Variants in PEG3 observed in about 807,000 individuals in gnomAD.
The protein encoded by PEG3 is paternally expressed 3.
In PEG3, 23 loss-of-function variants were observed where a neutral mutation model predicts 35.5. That is an observed-to-expected ratio of 0.65 (90% confidence interval 0.47 to 0.92). The LOEUF (loss-of-function observed/expected upper bound fraction) is 0.92, where lower values mean the gene tolerates loss of function less well. PEG3 is among the 40% of genes least tolerant of loss of function. The probability of loss-of-function intolerance (pLI) is 0.00; values close to 1 mark genes in which losing one functional copy is unlikely to be tolerated. For synonymous variants in PEG3, 707 were observed against 697.0 expected (o/e 1.01, Z -0.23); for missense variants, 1,960 against 1,985.3 (o/e 0.99, Z 0.24).
Position 56,816,650 on chromosome 19 carries a change from G to A in PEG3, c.1792C>T (p.Arg598Cys), listed in dbSNP as rs138383423. The A allele has an allele frequency of 7.4e-6, 12 of 1,613,170 alleles. No individual in the cohort carries two copies. The highest frequency in any genetic ancestry group is 3.3e-4 in the Middle Eastern group (2 of 6,080). The stretch of plus-strand genomic sequence containing the variant: ...TCCCCGCGCTCACGTTCACGTTCAC[G>A]TTCATGTTCACGCTCATTATCTTTG... ...DDKDNEREHE[R>C]ERERERGETF... Residue 598 changes from arginine (R) to cysteine (C), a missense_variant, in exon 10 of 10, where the codon CGT (arginine) becomes TGT (cysteine). Arg to Cys is a radical substitution (Grantham distance 180). Around this residue, in one of 5 missense-constraint regions of PEG3, gnomAD observed 798 missense variants for 782.4 expected, o/e 1.02. Transcript: ENST00000326441.
rs1040984174 is a variant in PEG3 at position 56,814,944 on chromosome 19, T to G, written c.3498A>C (p.Pro1166=). The change falls in exon 10 of 10, where the codon CCA becomes CCC. Residue 1166 remains proline (P), a synonymous_variant. Coordinates refer to ENST00000326441, the MANE Select transcript of PEG3 (RefSeq NM_006210.3). This position sits in a 1 kb window ranked among gnomAD's most constrained non-coding sequence, Gnocchi z 5.8. The stretch of plus-strand genomic sequence containing the variant: ...TATGAATAAAAGATTCCCCACACTT[T>G]GGACATTCATACAGCTGCTCTCCAG... ...DYTGEQLYEC[P]KCGESFIHSS... is the part of the protein sequence containing the mutation. 1 of 1,614,000 alleles carries G rather than the reference T, an allele frequency of 6.2e-7. No individual in the cohort carries two copies. Among genetic ancestry groups the G allele is most frequent in the East Asian group, 2.2e-5 (1 of 44,876 alleles).
Position 56,823,601 on chromosome 19 carries a change from T to C in PEG3, c.473A>G (p.His158Arg), listed in dbSNP as rs967368898. The C allele has an allele frequency of 2.5e-6, 4 of 1,614,130 alleles. No individual in the cohort carries two copies. Among genetic ancestry groups the C allele is most frequent in the Non-Finnish European group, 3.4e-6 (4 of 1,180,004 alleles). The change falls in exon 5 of 10, where the codon CAT (histidine) becomes CGT (arginine). Residue 158 changes from histidine (H) to arginine (R), a missense_variant. Coordinates refer to ENST00000326441, the MANE Select transcript of PEG3 (RefSeq NM_006210.3). ...RRESSPPHSV[H>R]SFSDRDWDRR... ...GGATGGGTACTCACCACTGAAAGAA[T>C]GGACTGAGTGAGGTGGTGAGGACTC...
rs200279106 is a variant in PEG3, at chr19:56,824,366, A to C, written c.290T>G (p.Ile97Ser). Residue 97 changes from isoleucine to serine, a missense_variant, in exon 4 of 10, where the codon ATC (isoleucine) becomes AGC (serine). By Grantham distance (142) the Ile-to-Ser change is moderately radical. Around this residue, in one of 5 missense-constraint regions of PEG3, gnomAD observed 613 missense variants for 577.1 expected, o/e 1.06. Transcript: ENST00000326441. ...CCAAGGCTTGAGCTTTTCAGGGATG[A>C]TGGTCAGGTACTGCTCAAGGACCAA... Reference protein sequence around the residue: ...ELLVLEQYLTIIPEKLKPWVR... With the variant: ...ELLVLEQYLTSIPEKLKPWVR... 2.5e-6 allele frequency: 4 copies of C among 1,614,050 alleles called. No homozygotes were observed. In the Admixed American group the frequency reaches 6.7e-5, roughly 27 times the overall value.
chr19:56,828,332 A>AATATAC (rs2061258319), intron 2 of PEG3, among the ~76,000 whole-genome samples: 1 of 152,196 alleles, frequency 6.6e-6, no homozygotes, highest in Admixed American at 6.5e-5. Flanking sequence ...TTGCAATCTG[A>AATATAC]ATATACCCCT....
chr19:56,819,953 C>CA (rs1269065515), intron 7 of PEG3, among the ~76,000 whole-genome samples: 1 of 152,052 alleles, frequency 6.6e-6, no homozygotes, highest in Non-Finnish European at 1.5e-5. Context: ...TGTCCTGCCA[C>CA]AAAAAAGCAG....
Position 56,810,126 on chromosome 19 carries a change from A to AATG in PEG3, c.*3546_*3548dup, listed in dbSNP as rs1180723817. ...TTATTGTTGACACTATTACAGATAG[A>AATG]ATGACCACAACCATATTAACAAACC... On this transcript the variant is annotated 3_prime_UTR_variant, in exon 10 of 10. Transcript: ENST00000326441. The AATG allele has an allele frequency of 2.1e-6, 2 of 963,278 alleles. No homozygotes were observed. The highest frequency in any genetic ancestry group is 2.5e-6 in the Non-Finnish European group (2 of 809,840). The allele number at this position is 963,278 out of a possible 1,614,324, so 59.7% of individuals were successfully genotyped here. A position where few individuals can be genotyped will look rare whatever the true frequency, so the allele number is the denominator to read the frequency against.
At chr19:56,839,999 G>A (rs540423058) in intron 1 of PEG3, among the ~76,000 whole-genome samples, 1 of 152,304 alleles carries the variant, frequency 6.6e-6, no homozygotes, top group South Asian at 2.1e-4. Context: ...ACAGCCCTTC[G>A]CCCCTCCCAC....
At chr19:56,837,382 A>T (rs1601303536) in intron 1 of PEG3, among the ~76,000 whole-genome samples, 1 of 152,284 alleles carries the variant, frequency 6.6e-6, no homozygotes, top group South Asian at 2.1e-4. Flanking sequence ...TCACCAACAG[A>T]GTCTCCAAAT....
rs981649524 is a variant in PEG3 at position 56,811,068 on chromosome 19, A to G, written c.*2607T>C. 13 of 934,482 alleles carry G rather than the reference A, an allele frequency of 1.4e-5. No homozygotes were observed. In the African/African-American group the frequency reaches 1.7e-4, roughly 12 times the overall value. 57.9% of individuals were successfully genotyped at this position (934,482 alleles called of 1,614,324 possible). On this transcript the variant is annotated 3_prime_UTR_variant, in exon 10 of 10. Transcript: ENST00000326441. The stretch of plus-strand genomic sequence containing the variant: ...AAACAAGAATGAACAAGATAAGAGG[A>G]GAGTATATGTCTTTGGATGGTGGGG...
chr19:56,817,119 C>G lies in PEG3; in HGVS notation c.1323G>C (p.Glu441Asp), dbSNP rs1340473475. Residue 441 changes from glutamate (E) to aspartate (D), a missense_variant, in exon 10 of 10, where the codon GAG becomes GAC. Glu to Asp is a conservative substitution (Grantham distance 45, BLOSUM62 2). Transcript: ENST00000326441. The stretch of plus-strand genomic sequence containing the variant: ...TTGCCCCAAAATCAATTGGCTGTGA[C>G]TCGGTAAAGGAGGGGGAGCTGAGGC... ...LSSLSSPSFTESQPIDFGAMP... is the reference protein window; with the variant it reads ...LSSLSSPSFTDSQPIDFGAMP... The G allele has an allele frequency of 6.2e-7, 1 of 1,614,152 alleles. No individual in the cohort carries two copies. Among genetic ancestry groups the G allele is most frequent in the Non-Finnish European group, 8.5e-7 (1 of 1,180,006 alleles).
At chr19:56,837,969 T>A (rs117627231) in intron 1 of PEG3, among the ~76,000 whole-genome samples, 1 of 152,152 alleles carries the variant, frequency 6.6e-6, no homozygotes, top group African/African-American at 2.4e-5. Flanking sequence ...AAGACACACA[T>A]GCTATGGCCC....
chr19:56,816,247 T>C lies in PEG3; in HGVS notation c.2195A>G (p.Gln732Arg). ...AGGTCTTGTTATAGTATGACTCTTC[T>C]GAGATTCAGTGAATGGCCCACTATG... ...VIHSGPFTES[Q>R]KSHTITRPLE... Residue 732 changes from glutamine to arginine, a missense_variant, in exon 10 of 10, where the codon CAG (glutamine) becomes CGG (arginine). Physicochemically the swap from Gln to Arg is conservative, Grantham distance 43 (BLOSUM62 1). Around this residue, in one of 5 missense-constraint regions of PEG3, gnomAD observed 798 missense variants for 782.4 expected, o/e 1.02. Coordinates refer to ENST00000326441, the MANE Select transcript of PEG3 (RefSeq NM_006210.3). 1 of 1,614,094 alleles carries C rather than the reference T, an allele frequency of 6.2e-7. No individual in the cohort carries two copies. The highest frequency in any genetic ancestry group is 8.5e-7 in the Non-Finnish European group (1 of 1,179,920).
Position 56,813,892 on chromosome 19 carries a change from C to T in PEG3, c.4550G>A (p.Ser1517Asn), listed in dbSNP as rs1188451891. 1 of 1,614,088 alleles carries T rather than the reference C, an allele frequency of 6.2e-7. No homozygotes were observed. The highest frequency in any genetic ancestry group is 8.5e-7 in the Non-Finnish European group (1 of 1,180,052). ...TTTCAGGTGTTCACTGAATGCTGTG[C>T]TGGAAGTGAAGGTTTCTGTGCATTC... ...CHECTETFTS[S>N]TAFSEHLKTH... The change falls in exon 10 of 10, where the codon AGC (serine) becomes AAC (asparagine). Residue 1517 changes from serine to asparagine, a missense_variant. By Grantham distance (46) the Ser-to-Asn change is conservative. This residue lies in a region of PEG3 where 416 missense variants were observed against 416.7 expected (regional missense o/e 1.00). Coordinates refer to ENST00000326441, the MANE Select transcript of PEG3 (RefSeq NM_006210.3).
chr19:56,822,608 C>A, intron 6 of PEG3, 145 bp downstream of exon 6: 1 of 1,106,658 alleles, frequency 9.0e-7, no homozygotes, highest in Non-Finnish European at 1.3e-6. Context: ...TTCAAAAATA[C>A]GAGCCTTGGA....
rs773746910 is a variant in PEG3, at chr19:56,824,418, G to C, written c.238C>G (p.Arg80Gly). 1.2e-6 allele frequency: 2 copies of C among 1,614,008 alleles called. No individual in the cohort carries two copies. Among genetic ancestry groups the C allele is most frequent in the African/African-American group, 1.3e-5 (1 of 74,918 alleles). Residue 80 changes from arginine to glycine, a missense_variant, in exon 4 of 10, where the codon CGC becomes GGC. This residue lies in a region of PEG3 where 613 missense variants were observed against 577.1 expected (regional missense o/e 1.06). Coordinates refer to ENST00000326441, the MANE Select transcript of PEG3 (RefSeq NM_006210.3). ...LCLDWLQPET[R>G]TKEEIIELLV... ...AGCTCGATGATCTCCTCCTTGGTGC[G>C]GGTCTCCGGCTGCAACCAATCGAGG...
intron 1 of PEG3, among the ~76,000 whole-genome samples, chr19:56,840,084 G>T: frequency 1.3e-5 from 2 of 152,328 alleles, no homozygotes; most frequent in East Asian, 3.9e-4. Flanking sequence ...ATGGCACCCC[G>T]CAGGAAGGGG....
chr19:56,811,428 T>C lies in PEG3; in HGVS notation c.*2247A>G. On this transcript the variant is annotated 3_prime_UTR_variant, in exon 10 of 10. Transcript: ENST00000326441. ...CCACTTAATGTTCTGTAAATATATT[T>C]CCACGTTGCTACATAACTCGTGATT... is the stretch of plus-strand genomic sequence containing the variant. 1 of 910,752 alleles carries C rather than the reference T, an allele frequency of 1.1e-6. No individual in the cohort carries two copies. Among genetic ancestry groups the C allele is most frequent in the South Asian group, 5.1e-5 (1 of 19,660 alleles). The allele number at this position is 910,752 out of a possible 1,614,324, so 56.4% of individuals were successfully genotyped here.
At position 56,815,055 on chromosome 19, in the gene PEG3, G is replaced by A. The variant is rs145101725; in HGVS notation, c.3387C>T (p.His1129=). 5.0e-5 allele frequency: 81 copies of A among 1,614,034 alleles called. No homozygotes were observed. In the African/African-American group the frequency reaches 9.3e-4, roughly 19 times the overall value. ...GACTGTCAACCAGGCACTTCCTGCT[G>A]TGGACTTTCTGATGGTCTGTGAGGT... is the stretch of plus-strand genomic sequence containing the variant. ...LTDLTDHQKV[H]SRKCLVDSRE... Residue 1129 remains histidine (H), a synonymous_variant, in exon 10 of 10, where the codon CAC becomes CAT. Transcript: ENST00000326441.
intron 7 of PEG3, 24 bp downstream of exon 7, chr19:56,821,627 G>T (rs2060496031): frequency 6.2e-7 from 1 of 1,611,160 alleles, no homozygotes; most frequent in East Asian, 2.2e-5. Context: ...GGCCTTTCTA[G>T]AAAGAGAGGA....
Sources: allele counts gnomAD v4.1 joint callset (sites outside exome capture counted in the v4.1 genomes callset), GRCh38; gene constraint gnomAD v4.1.1; regional missense constraint gnomAD v4.1.1; non-coding constraint Gnocchi (gnomAD v3.1); transcripts MANE v1.5; gene names NCBI Gene and HGNC (gene_info 2026-07-23, HGNC 2026-07-21).